Variants in WDR70 observed in about 807,000 individuals in gnomAD.
WDR70 encodes WD repeat domain 70.
In WDR70, 53 loss-of-function variants were observed where a neutral mutation model predicts 88.6. The observed-to-expected ratio is 0.60, with a 90% CI of 0.48 to 0.75. The LOEUF (loss-of-function observed/expected upper bound fraction) is 0.75. WDR70 is among the 30% of genes least tolerant of loss of function. The pLI is 0.00. For synonymous variants in WDR70, 280 were observed against 270.0 expected, an observed-to-expected ratio of 1.04 and a Z score of -0.36; for missense variants, 610 against 823.2, an observed-to-expected ratio of 0.74 and a Z score of 3.17.
intron 13 of WDR70, among the ~76,000 whole-genome samples, chr5:37,711,943 T>C (rs903779081): frequency 6.6e-6 from 1 of 151,804 alleles, no homozygotes; most frequent in Non-Finnish European, 1.5e-5. Flanking sequence ...TTTTGGTTAA[T>C]AGTTTTTAAA....
intron 5 of WDR70, among the ~76,000 whole-genome samples, chr5:37,430,962 T>A (rs1750285202): frequency 6.6e-6 from 1 of 152,142 alleles, no homozygotes; most frequent in Non-Finnish European, 1.5e-5. Context: ...CAGGCCATCC[T>A]CCTGCCTCAA....
chr5:37,563,809 C>T (rs1202449731), intron 9 of WDR70, among the ~76,000 whole-genome samples: 4 of 129,576 alleles, frequency 3.1e-5, no homozygotes, highest in East Asian at 2.3e-4. Flanking sequence ...ACTTCTCAGA[C>T]GGTGTGGCTG....
chr5:37,676,379 G>A (rs950645343), intron 10 of WDR70, among the ~76,000 whole-genome samples: 2 of 152,040 alleles, frequency 1.3e-5, no homozygotes. Context: ...GTTTGTCATA[G>A]ATAGCTCTTA....
intron 9 of WDR70, among the ~76,000 whole-genome samples, chr5:37,571,624 C>T (rs1480709726): frequency 1.3e-5 from 2 of 152,044 alleles, no homozygotes; most frequent in Non-Finnish European, 1.5e-5. Flanking sequence ...ATAAAGGTTA[C>T]CTTTGATTTA....
At chr5:37,493,999 A>G (rs1275257637) in intron 8 of WDR70, among the ~76,000 whole-genome samples, 1 of 151,844 alleles carries the variant, frequency 6.6e-6, no homozygotes, top group East Asian at 1.9e-4. Flanking sequence ...TTGTATTTTT[A>G]TTAGAGATGA....
chr5:37,689,061 A>C (rs965187733), intron 10 of WDR70, among the ~76,000 whole-genome samples: 1 of 152,242 alleles, frequency 6.6e-6, no homozygotes, highest in Admixed American at 6.5e-5. Context: ...CGGGTCCCAC[A>C]CCCACACAGC....
intron 5 of WDR70, among the ~76,000 whole-genome samples, chr5:37,421,181 G>A (rs992862387): frequency 6.6e-6 from 1 of 152,192 alleles, no homozygotes; most frequent in Non-Finnish European, 1.5e-5. Flanking sequence ...ATTTAGGGAA[G>A]CTACTCCAGA....
rs771375976 is a variant in WDR70 at position 37,514,356 on chromosome 5, A to ATATATATATATATATATG, written c.841-2155_841-2154insATATATATATATATGTAT. Among the ~76,000 whole-genome samples the ATATATATATATATATATG allele has an allele frequency of 3.4e-3, 183 of 54,412 alleles. 6 individuals are homozygous for ATATATATATATATATATG. In the East Asian group the frequency reaches 0.053, roughly 16 times the overall value. 35.7% of individuals were successfully genotyped at this position (54,412 alleles called of 152,430 possible). ...TAGAACTACATATATATATATATATATATGTATGTATGTATGTTTATGTAT... is the reference window on the plus strand; with the variant it reads ...TAGAACTACATATATATATATATATATATATATATATATATATGTATGTATGTATGTATGTTTATGTAT... On this transcript the variant is annotated intron_variant, in intron 8 of 17. Coordinates refer to ENST00000265107, the MANE Select transcript of WDR70 (RefSeq NM_018034.4).
chr5:37,435,510 G>A (rs1418892072), intron 5 of WDR70, among the ~76,000 whole-genome samples: 3 of 152,102 alleles, frequency 2.0e-5, no homozygotes, highest in Non-Finnish European at 2.9e-5. Flanking sequence ...AGAGGTATGT[G>A]CAGCACTTTC....
At chr5:37,675,376 T>G (rs1422016692) in intron 10 of WDR70, among the ~76,000 whole-genome samples, 1 of 152,234 alleles carries the variant, frequency 6.6e-6, no homozygotes, top group East Asian at 1.9e-4. Context: ...GGTCTAACGT[T>G]TAAGTCTTTA....
chr5:37,521,185 C>G (rs1741073403), intron 9 of WDR70, among the ~76,000 whole-genome samples: 1 of 152,214 alleles, frequency 6.6e-6, no homozygotes, highest in Non-Finnish European at 1.5e-5. Flanking sequence ...TTTATGAGCA[C>G]TACAGCAGCC....
intron 9 of WDR70, among the ~76,000 whole-genome samples, chr5:37,535,234 T>G (rs1170179165): frequency 6.6e-6 from 1 of 152,042 alleles, no homozygotes; most frequent in East Asian, 1.9e-4. Context: ...TTTTTTTTTT[T>G]AAGTTGAGGC....
chr5:37,394,506 G>C (rs900313779), intron 4 of WDR70, among the ~76,000 whole-genome samples: 2 of 152,152 alleles, frequency 1.3e-5, no homozygotes, highest in East Asian at 3.8e-4. Context: ...CTGAGCTCAC[G>C]TTGTTGTGGG....
intron 9 of WDR70, among the ~76,000 whole-genome samples, chr5:37,551,213 G>A (rs1166578931): frequency 1.3e-5 from 2 of 151,910 alleles, no homozygotes; most frequent in African/African-American, 4.8e-5. Context: ...GCCGAGGCAG[G>A]AGAATCACTT....
intron 5 of WDR70, among the ~76,000 whole-genome samples, chr5:37,429,438 A>G (rs932107056): frequency 6.6e-6 from 1 of 151,738 alleles, no homozygotes; most frequent in African/African-American, 2.4e-5. Flanking sequence ...GATTGCAAAA[A>G]TTTTTCCTAT....
chr5:37,545,425 T>G (rs1475923853), intron 9 of WDR70, among the ~76,000 whole-genome samples: 1 of 152,176 alleles, frequency 6.6e-6, no homozygotes, highest in Non-Finnish European at 1.5e-5. Context: ...CTAATTTAAT[T>G]ATTTGATTTT....
intron 13 of WDR70, among the ~76,000 whole-genome samples, chr5:37,712,387 A>AT (rs1747540086): frequency 1.3e-5 from 2 of 152,208 alleles, no homozygotes; most frequent in Non-Finnish European, 2.9e-5. Flanking sequence ...TTCATTGCAA[A>AT]TAGCCAGGTT....
At chr5:37,720,411 G>T (rs1490315257) in intron 13 of WDR70, among the ~76,000 whole-genome samples, 2 of 152,022 alleles carry the variant, frequency 1.3e-5, no homozygotes, top group Non-Finnish European at 2.9e-5. Flanking sequence ...TTAAAAACAG[G>T]TTATAGTTCT....
In WDR70 at chr5:37,648,211, G is replaced by A. The variant is rs565144252; in HGVS notation, c.1092+42973G>A. Among the ~76,000 whole-genome samples, 4 of 152,272 alleles carry A rather than the reference G, an allele frequency of 2.6e-5. No individual in the cohort carries two copies. In the South Asian group the frequency reaches 8.3e-4, roughly 32 times the overall value. ...AAGATAATGCAGATAAACTTGCAAGGTATTTTAATGTATTTTACTTCCAAA... is the reference window on the plus strand; with the variant it reads ...AAGATAATGCAGATAAACTTGCAAGATATTTTAATGTATTTTACTTCCAAA... On this transcript the variant is annotated intron_variant, in intron 10 of 17. Transcript: ENST00000265107.
Sources: gnomAD v4.1 joint callset for allele counts (sites outside exome capture counted in the v4.1 genomes callset) on GRCh38, gnomAD v4.1.1 for gene constraint, MANE v1.5 for transcripts, NCBI Gene and HGNC (gene_info 2026-07-23, HGNC 2026-07-21) for gene names.